ZFAND3: variants seen among roughly 807,000 people sequenced by gnomAD.
The protein encoded by ZFAND3 is zinc finger AN1-type containing 3, also known as AN1-type zinc finger protein 3.
ZFAND3 carries 10 observed loss-of-function variants against 29.6 expected under a neutral mutation model. That is an observed-to-expected ratio of 0.34 (90% CI 0.21 to 0.57). The LOEUF (loss-of-function observed/expected upper bound fraction) is 0.57. Among genes scored for constraint, ZFAND3 ranks in the 20% least tolerant of loss-of-function variants. The probability of loss-of-function intolerance (pLI) is 0.86; values close to 1 mark genes in which losing one functional copy is unlikely to be tolerated. For missense variants in ZFAND3, 230 were observed against 304.5 expected (o/e 0.76, Z 1.82); for synonymous variants, 128 against 112.6 (o/e 1.14, Z -0.87).
At position 38,085,835 on chromosome 6, in the gene ZFAND3, T is replaced by G. The variant is rs1399881135; in HGVS notation, c.361+3378T>G. Among the ~76,000 whole-genome samples the G allele has an allele frequency of 2.6e-5, 4 of 152,194 alleles. No homozygotes were observed. In the East Asian group the frequency reaches 7.7e-4, roughly 29 times the overall value. On this transcript the variant is annotated intron_variant, in intron 4 of 5. Transcript: ENST00000287218. Reference sequence around the variant, plus strand: ...ATAGGACTATGCAGTTTAAAAAGGTTAATGACTTCTTCAGTAAACAGATCA... The same window carrying G: ...ATAGGACTATGCAGTTTAAAAAGGTGAATGACTTCTTCAGTAAACAGATCA...
At chr6:38,060,375 T>C (rs1764211072) in intron 2 of ZFAND3, among the ~76,000 whole-genome samples, 1 of 151,712 alleles carries the variant, frequency 6.6e-6, no homozygotes. Flanking sequence ...TCCTCTCCCC[T>C]CCCGTTTTTC....
chr6:37,969,366 C>A (rs1294063112), intron 2 of ZFAND3, among the ~76,000 whole-genome samples: 1 of 152,126 alleles, frequency 6.6e-6, no homozygotes, highest in Non-Finnish European at 1.5e-5. Flanking sequence ...TGCCGTAAGT[C>A]AAAAAGGTGG....
chr6:38,024,192 G>A (rs763378762), intron 2 of ZFAND3, among the ~76,000 whole-genome samples: 8 of 152,114 alleles, frequency 5.3e-5, no homozygotes, highest in Non-Finnish European at 8.8e-5. Context: ...TACATATATG[G>A]CCAGGTGTGG....
intron 2 of ZFAND3, among the ~76,000 whole-genome samples, chr6:37,970,245 G>T (rs146213882): frequency 2.0e-5 from 3 of 152,140 alleles, no homozygotes; most frequent in African/African-American, 7.2e-5. Flanking sequence ...ATAGGTCAGG[G>T]ATCAAAAATG....
At chr6:37,957,817 A>G (rs1157442857) in intron 2 of ZFAND3, among the ~76,000 whole-genome samples, 1 of 152,196 alleles carries the variant, frequency 6.6e-6, no homozygotes, top group Non-Finnish European at 1.5e-5. Flanking sequence ...TATGAGGAAA[A>G]GCAGCAGGAC....
rs531178228 is a variant in ZFAND3, at chr6:37,905,665, T to G, written c.72-24294T>G. On this transcript the variant is annotated intron_variant, in intron 1 of 5. Coordinates refer to ENST00000287218, the MANE Select transcript of ZFAND3 (RefSeq NM_021943.3). The stretch of plus-strand genomic sequence containing the variant: ...AGAGTTGTATTGCTGGAAGTTACCT[T>G]AGAAATCATTTAGCTTATTCCCTTT... Among the ~76,000 whole-genome samples, 8 of 152,266 alleles carry G rather than the reference T, an allele frequency of 5.3e-5. No homozygotes were observed. In the South Asian group the frequency reaches 1.2e-3, roughly 24 times the overall value.
intron 5 of ZFAND3, among the ~76,000 whole-genome samples, chr6:38,149,829 C>T (rs1171217908): frequency 6.6e-6 from 1 of 152,200 alleles, no homozygotes; most frequent in Non-Finnish European, 1.5e-5. Context: ...TCAGCCAGCA[C>T]CATTCATCAG....
At chr6:37,854,522 G>A (rs1581710606) in intron 1 of ZFAND3, among the ~76,000 whole-genome samples, 2 of 152,136 alleles carry the variant, frequency 1.3e-5, no homozygotes, top group East Asian at 3.8e-4. Context: ...CTAGAGAAAT[G>A]TTACTAATGA....
intron 4 of ZFAND3, among the ~76,000 whole-genome samples, chr6:38,108,571 A>G (rs902339866): frequency 3.9e-5 from 6 of 152,248 alleles, no homozygotes; most frequent in African/African-American, 1.4e-4. Flanking sequence ...CAGGAGGAGC[A>G]GAAGCAAGCA....
chr6:37,878,543 C>A (rs36069529), intron 1 of ZFAND3, among the ~76,000 whole-genome samples: 12,150 of 152,068 alleles, frequency 0.08, 571 homozygotes, highest in African/African-American at 0.14. Context: ...CATAGCCCTG[C>A]CCCTGTGACC....
rs991525171 is a variant in ZFAND3 at position 37,841,503 on chromosome 6, A to G, written c.71+21487A>G. On this transcript the variant is annotated intron_variant, in intron 1 of 5. Transcript: ENST00000287218. ...TTTGTTTTGTTTTGTTTTGTTTTTG[A>G]GATGGAGCCTGGCTCTGTTGCCCAG... is the stretch of plus-strand genomic sequence containing the variant. Among the ~76,000 whole-genome samples, 4 of 152,060 alleles carry G rather than the reference A, an allele frequency of 2.6e-5. No homozygotes were observed. In the East Asian group the frequency reaches 5.8e-4, roughly 22 times the overall value.
Position 38,153,079 on chromosome 6 carries a change from A to AT in ZFAND3, c.*690_*691insT. The AT allele has an allele frequency of 1.0e-6, 1 of 985,484 alleles. No individual in the cohort carries two copies. The highest frequency in any genetic ancestry group is 4.7e-5 in the South Asian group (1 of 21,272). 61.0% of individuals were successfully genotyped at this position (985,484 alleles called of 1,614,324 possible). A position where few individuals can be genotyped will look rare whatever the true frequency, so the allele number is the denominator to read the frequency against. Reference sequence around the variant, plus strand: ...AGCTCCACTCAAGACTAGTCCACGAACGAGACCCGCCTTTTCTACACAGGA... The same window carrying AT: ...AGCTCCACTCAAGACTAGTCCACGAATCGAGACCCGCCTTTTCTACACAGGA... On this transcript the variant is annotated 3_prime_UTR_variant, in exon 6 of 6. Transcript: ENST00000287218.
At chr6:37,949,267 C>G (rs1761955486) in intron 2 of ZFAND3, among the ~76,000 whole-genome samples, 1 of 152,152 alleles carries the variant, frequency 6.6e-6, no homozygotes, top group Non-Finnish European at 1.5e-5. Context: ...TGAGAAGTGT[C>G]TGTTCATGTC....
chr6:37,982,375 T>C (rs1762595103), intron 2 of ZFAND3, among the ~76,000 whole-genome samples: 1 of 152,158 alleles, frequency 6.6e-6, no homozygotes. Flanking sequence ...CAATTATATA[T>C]ATTTTTATAT....
chr6:38,072,668 T>A lies in ZFAND3; in HGVS notation c.296-9724T>A, dbSNP rs190231711. 7.5e-4 allele frequency among the ~76,000 whole-genome samples: 114 copies of A among 152,332 alleles called. 2 individuals carry two copies. Among genetic ancestry groups the A allele is most frequent in the Non-Finnish European group, 1.2e-4 (8 of 68,030 alleles). On this transcript the variant is annotated intron_variant, in intron 3 of 5. Coordinates refer to ENST00000287218, the MANE Select transcript of ZFAND3 (RefSeq NM_021943.3). ...GGCTGAAAAAAAAACATAATGGCAT[T>A]TATGTGAATGTGTTGAAGCAGCCAT...
chr6:37,874,974 A>G (rs1188424422), intron 1 of ZFAND3, among the ~76,000 whole-genome samples: 1 of 152,196 alleles, frequency 6.6e-6, no homozygotes, highest in Non-Finnish European at 1.5e-5. Context: ...ATCTGATTGT[A>G]GGAGAGATGA....
In ZFAND3 at chr6:37,847,633, A is replaced by G. The variant is rs548246752; in HGVS notation, c.71+27617A>G. Among the ~76,000 whole-genome samples the G allele has an allele frequency of 7.4e-4, 112 of 152,302 alleles. 1 individual carries two copies. The highest frequency in any genetic ancestry group is 1.7e-3 in the South Asian group (8 of 4,828). ...AGTGTTATGGGTGATTATTTTCTCT[A>G]TTCTCCATAATATGATACATAATTG... On this transcript the variant is annotated intron_variant, in intron 1 of 5. Coordinates refer to ENST00000287218, the MANE Select transcript of ZFAND3 (RefSeq NM_021943.3).
At chr6:38,003,357 A>G (rs1762984009) in intron 2 of ZFAND3, 2 of 153,846 alleles carry the variant, frequency 1.3e-5, no homozygotes, top group African/African-American at 4.8e-5. Flanking sequence ...ATAAACTGCC[A>G]TAGTCATCTG....
chr6:37,868,746 A>G (rs1193744838), intron 1 of ZFAND3, among the ~76,000 whole-genome samples: 1 of 152,184 alleles, frequency 6.6e-6, no homozygotes, highest in Non-Finnish European at 1.5e-5. Context: ...TCATTTTTAA[A>G]TATATTACTA....
Sources: gnomAD v4.1 joint callset for allele counts (sites outside exome capture counted in the v4.1 genomes callset) on GRCh38, gnomAD v4.1.1 for gene constraint, MANE v1.5 for transcripts, NCBI Gene and HGNC (gene_info 2026-07-23, HGNC 2026-07-21) for gene names.